The following LCLAT1 variants were observed in gnomAD, a reference collection of about 807,000 sequenced individuals.
The protein encoded by LCLAT1 is lysocardiolipin acyltransferase 1, also known as 1-AGP acyltransferase 8.
A neutral mutation model predicts 30.7 loss-of-function variants in LCLAT1; 11 were observed. The ratio of observed to expected loss-of-function variants is 0.36; its 90% confidence interval spans 0.23 to 0.59. LCLAT1 has a LOEUF of 0.59. Among genes scored for constraint, LCLAT1 ranks in the 20% least tolerant of loss-of-function variants. The pLI is 0.77. For missense variants in LCLAT1, 402 were observed against 458.6 expected (o/e 0.88, Z 1.13); for synonymous variants, 155 against 151.3 (o/e 1.02, Z -0.18).
intron 5 of LCLAT1, among the ~76,000 whole-genome samples, chr2:30,637,436 C>G (rs749328429): frequency 1.3e-5 from 2 of 151,902 alleles, no homozygotes; most frequent in African/African-American, 2.4e-5. Context: ...GATACTTGAT[C>G]GGACAGCCCA....
At chr2:30,588,393 T>C (rs184129480) in intron 5 of LCLAT1, among the ~76,000 whole-genome samples, 1 of 152,320 alleles carries the variant, frequency 6.6e-6, no homozygotes, top group East Asian at 1.9e-4. Context: ...CAAACATCCT[T>C]TTCAGAGGCT....
intron 1 of LCLAT1, among the ~76,000 whole-genome samples, chr2:30,495,027 C>A (rs1684037613): frequency 6.6e-6 from 1 of 150,566 alleles, no homozygotes; most frequent in Admixed American, 6.6e-5. Flanking sequence ...CCCAGAGCTT[C>A]CTTTTGAACT....
rs143162383 is a variant in LCLAT1 at position 30,552,348 on chromosome 2, A to G, written c.365-9798A>G. ...GATTATGTTTGTGGAGTCTAGTGAAATTTGTAGTACAAGTGGTTTCTCCAT... is the reference window on the plus strand; with the variant it reads ...GATTATGTTTGTGGAGTCTAGTGAAGTTTGTAGTACAAGTGGTTTCTCCAT... On this transcript the variant is annotated intron_variant, in intron 3 of 5. Transcript: ENST00000379509. The G allele has an allele frequency of 9.2e-4, 268 of 291,224 alleles. 1 individual carries two copies. Among genetic ancestry groups the G allele is most frequent in the African/African-American group, 5.5e-3 (251 of 45,246 alleles). 18.0% of individuals were successfully genotyped at this position (291,224 alleles called of 1,614,324 possible). A position where few individuals can be genotyped will look rare whatever the true frequency, so the allele number is the denominator to read the frequency against.
rs1405222587 is a variant in LCLAT1 at position 30,562,170 on chromosome 2, A to G, written c.389A>G (p.Tyr130Cys). The change falls in exon 4 of 6, where the codon TAT (tyrosine) becomes TGT (cysteine). Residue 130 changes from tyrosine to cysteine, a missense_variant. Tyr to Cys is a radical substitution (Grantham distance 194). Transcript: ENST00000379509. ...GGTTGGGCCATGCAGGCTGCTGCCT[A>G]TATCTTCATTCATAGGAAATGGAAG... Reference protein sequence around the residue: ...GFGWAMQAAAYIFIHRKWKDD... With the variant: ...GFGWAMQAAACIFIHRKWKDD... 1.2e-6 allele frequency: 2 copies of G among 1,612,836 alleles called. No homozygotes were observed. Among genetic ancestry groups the G allele is most frequent in the African/African-American group, 2.7e-5 (2 of 74,914 alleles).
At chr2:30,465,825 T>A (rs1467761802) in intron 1 of LCLAT1, among the ~76,000 whole-genome samples, 3 of 152,206 alleles carry the variant, frequency 2.0e-5, no homozygotes, top group Non-Finnish European at 1.5e-5. Flanking sequence ...TGTATTTATT[T>A]CTCTTATTAG....
chr2:30,511,261 C>T (rs1008515440), intron 1 of LCLAT1, among the ~76,000 whole-genome samples: 1 of 152,032 alleles, frequency 6.6e-6, no homozygotes, highest in Non-Finnish European at 1.5e-5. Context: ...GTGATCTGAC[C>T]GCCTCGGCCT....
chr2:30,632,019 G>A (rs1255673731), intron 5 of LCLAT1, among the ~76,000 whole-genome samples: 1 of 152,184 alleles, frequency 6.6e-6, no homozygotes, highest in Non-Finnish European at 1.5e-5. Flanking sequence ...CAGAGAACCA[G>A]TATTCATTGG....
At chr2:30,539,083 T>C (rs1412598455) in intron 3 of LCLAT1, among the ~76,000 whole-genome samples, 1 of 151,232 alleles carries the variant, frequency 6.6e-6, no homozygotes, top group Non-Finnish European at 1.5e-5. Flanking sequence ...CCTCAGCCTC[T>C]GGAGTAGCTG....
chr2:30,599,121 A>G (rs777364018), intron 5 of LCLAT1, among the ~76,000 whole-genome samples: 27 of 152,066 alleles, frequency 1.8e-4, no homozygotes, highest in Non-Finnish European at 3.7e-4. Flanking sequence ...AGCTGGGAAT[A>G]CAGACATGCA....
intron 5 of LCLAT1, among the ~76,000 whole-genome samples, chr2:30,581,362 C>A (rs1666206827): frequency 1.3e-5 from 2 of 152,146 alleles, no homozygotes; most frequent in East Asian, 1.9e-4. Context: ...TGTCAGTCCC[C>A]CTCCAGTCTT....
intron 1 of LCLAT1, among the ~76,000 whole-genome samples, chr2:30,495,758 G>A (rs1219456007): frequency 1.3e-5 from 2 of 152,070 alleles, no homozygotes; most frequent in Non-Finnish European, 2.9e-5. Context: ...GAGTCCTGGA[G>A]TATAAGTCTA....
intron 1 of LCLAT1, among the ~76,000 whole-genome samples, chr2:30,494,344 T>C (rs1683988001): frequency 6.6e-6 from 1 of 152,194 alleles, no homozygotes. Context: ...CTTCGACAGC[T>C]TTTTTCTTCA....
chr2:30,482,526 AATG>A (rs1292561513), intron 1 of LCLAT1, among the ~76,000 whole-genome samples: 6 of 152,168 alleles, frequency 3.9e-5, no homozygotes, highest in South Asian at 2.1e-4. Flanking sequence ...TGTCACTGAG[AATG>A]ATGTTACTTA....
chr2:30,503,218 T>C (rs1038522645), intron 1 of LCLAT1, among the ~76,000 whole-genome samples: 6 of 152,162 alleles, frequency 3.9e-5, no homozygotes, highest in African/African-American at 4.8e-5. Context: ...AGGGATTGCT[T>C]TCCTTGCCAT....
At chr2:30,489,879 A>T (rs1249902683) in intron 1 of LCLAT1, among the ~76,000 whole-genome samples, 1 of 152,224 alleles carries the variant, frequency 6.6e-6, no homozygotes, top group Admixed American at 6.5e-5. Context: ...TTACGCTCTT[A>T]AACTTCACGT....
At chr2:30,473,325 A>G (rs1256700208) in intron 1 of LCLAT1, among the ~76,000 whole-genome samples, 1 of 152,118 alleles carries the variant, frequency 6.6e-6, no homozygotes, top group Non-Finnish European at 1.5e-5. Flanking sequence ...TCTTATAGTA[A>G]AAGGAATCTG....
At position 30,634,562 on chromosome 2, in the gene LCLAT1, T is replaced by C. The variant is rs201760355; in HGVS notation, c.629-5555T>C. ...AATCACTTGAACCCAGGAGTGGAGG[T>C]TGCAGTGAGCCGGCGACAAGCGCAA... On this transcript the variant is annotated intron_variant, in intron 5 of 5. Transcript: ENST00000379509. 4.6e-4 allele frequency among the ~76,000 whole-genome samples: 70 copies of C among 152,158 alleles called. No individual in the cohort carries two copies. The East Asian group carries it at 8.1e-3, about 18-fold the overall frequency.
At chr2:30,452,571 C>T (rs932804421) in intron 1 of LCLAT1, among the ~76,000 whole-genome samples, 1 of 152,048 alleles carries the variant, frequency 6.6e-6, no homozygotes, top group Non-Finnish European at 1.5e-5. Flanking sequence ...AAGTTTTGAT[C>T]AATACAATAC....
chr2:30,636,336 C>A (rs1669023597), intron 5 of LCLAT1, among the ~76,000 whole-genome samples: 1 of 152,144 alleles, frequency 6.6e-6, no homozygotes, highest in African/African-American at 2.4e-5. Context: ...ATGTGATTTA[C>A]CCTGACTACT....
Sources: allele counts gnomAD v4.1 joint callset (sites outside exome capture counted in the v4.1 genomes callset), GRCh38; gene constraint gnomAD v4.1.1; transcripts MANE v1.5; gene names NCBI Gene and HGNC (gene_info 2026-07-23, HGNC 2026-07-21).